TMC7: variants seen among roughly 807,000 people sequenced by gnomAD.
TMC7 encodes transmembrane channel like 7, also known as transmembrane channel-like protein 7.
Under a neutral mutation model 82.9 loss-of-function variants are expected in TMC7, and 54 were observed. The observed-to-expected ratio is 0.65, with a 90% CI of 0.52 to 0.82. TMC7 has a LOEUF of 0.82. Among genes scored for constraint, TMC7 ranks in the 40% least tolerant of loss-of-function variants. The pLI is 0.00. For synonymous variants in TMC7, 350 were observed against 337.9 expected (o/e 1.04, Z -0.39); for missense variants, 820 against 901.2 (o/e 0.91, Z 1.15).
At chr16:19,045,122 G>A in intron 10 of TMC7, 121 bp downstream of exon 10, 1 of 923,064 alleles carries the variant, frequency 1.1e-6, no homozygotes. Context: ...TCTTGTTCTA[G>A]TGATGAGACA....
rs1959921088 is a variant in TMC7 at position 19,020,643 on chromosome 16, G to A, written c.461-986G>A. Among the ~76,000 whole-genome samples the A allele has an allele frequency of 2.0e-5, 3 of 152,016 alleles. No individual in the cohort carries two copies. In the South Asian group the frequency reaches 6.2e-4, roughly 32 times the overall value. On this transcript the variant is annotated intron_variant, in intron 3 of 15. Transcript: ENST00000304381. Reference sequence around the variant, plus strand: ...AGCACTTTGGGAGGCTGAGGCAGGTGGATCACCTGAGGTCAGGAGTTCGAG... The same window carrying A: ...AGCACTTTGGGAGGCTGAGGCAGGTAGATCACCTGAGGTCAGGAGTTCGAG...
chr16:19,018,483 C>T (rs746544822), intron 3 of TMC7, among the ~76,000 whole-genome samples: 6 of 152,122 alleles, frequency 3.9e-5, no homozygotes, highest in Non-Finnish European at 8.8e-5. Flanking sequence ...CTAATCCCAT[C>T]ATGGGACACC....
intron 4 of TMC7, among the ~76,000 whole-genome samples, chr16:19,022,713 T>C (rs368206894): frequency 3.9e-5 from 6 of 152,328 alleles, no homozygotes; most frequent in African/African-American, 1.4e-4. Context: ...TGTACATGCT[T>C]ATACACACAA....
intron 6 of TMC7, among the ~76,000 whole-genome samples, chr16:19,034,731 G>T (rs1960668777): frequency 6.6e-6 from 1 of 152,126 alleles, no homozygotes; most frequent in African/African-American, 2.4e-5. Flanking sequence ...GGATGGGAAG[G>T]AGATCAGCCA....
At chr16:18,997,155 G>A (rs1234113413) in intron 1 of TMC7, among the ~76,000 whole-genome samples, 3 of 152,264 alleles carry the variant, frequency 2.0e-5, no homozygotes, top group Middle Eastern at 3.4e-3. Context: ...ACAGGGGACC[G>A]GTCTCCCGAA....
intron 1 of TMC7, among the ~76,000 whole-genome samples, chr16:19,006,572 C>T (rs991559708): frequency 2.6e-5 from 4 of 152,200 alleles, no homozygotes; most frequent in African/African-American, 9.6e-5. Context: ...ACCCCAGCCA[C>T]CCCTCTGACT....
chr16:19,059,609 A>G (rs755456007), intron 15 of TMC7, 115 bp downstream of exon 15: 16 of 1,587,092 alleles, frequency 1.0e-5, no homozygotes, highest in Non-Finnish European at 8.5e-7. Context: ...TCTCACCACC[A>G]CCTCCCCAAA....
At position 18,990,922 on chromosome 16, in the gene TMC7, G is replaced by A. The variant is rs1276435484; in HGVS notation, c.67+6792G>A. On this transcript the variant is annotated intron_variant, in intron 1 of 15. Transcript: ENST00000304381. ...GATCTTCAGTTGCTTCAGGCCATCT[G>A]GATGTATACGTGCAGGTCACTGGGA... is the stretch of plus-strand genomic sequence containing the variant. Among the ~76,000 whole-genome samples, 4 of 152,158 alleles carry A rather than the reference G, an allele frequency of 2.6e-5. No homozygotes were observed. In the East Asian group the frequency reaches 7.7e-4, roughly 29 times the overall value.
In TMC7 at chr16:19,034,042, TG is replaced by T. The variant is rs1293817969; in HGVS notation, c.858-1633del. Among the ~76,000 whole-genome samples, 4 of 152,212 alleles carry T rather than the reference TG, an allele frequency of 2.6e-5. No homozygotes were observed. In the East Asian group the frequency reaches 7.7e-4, roughly 29 times the overall value. On this transcript the variant is annotated intron_variant, in intron 6 of 15. Coordinates refer to ENST00000304381, the MANE Select transcript of TMC7 (RefSeq NM_024847.4). ...CCAAGTGCCAGGTGTATTTTTTCCA[TG>T]AAAGCATTTGAATGAATAAAAATAT...
intron 1 of TMC7, among the ~76,000 whole-genome samples, chr16:18,991,841 T>C (rs2038957106): frequency 2.0e-5 from 3 of 152,102 alleles, no homozygotes; most frequent in African/African-American, 7.2e-5. Context: ...CGGTGTTTGG[T>C]TTTTTGTCCT....
At position 19,044,871 on chromosome 16, in the gene TMC7, T is replaced by A; in HGVS notation, c.1338-13T>A. On this transcript the variant is annotated splice_polypyrimidine_tract_variant and intron_variant, in intron 9 of 15. Transcript: ENST00000304381. ...GCCTCATCTTCCCATCCTCTCTCCT[T>A]CTCTCCCCGAAGGTGTGTCTTTATG... 6.2e-7 allele frequency: 1 copy of A among 1,607,952 alleles called. No homozygotes were observed. The highest frequency in any genetic ancestry group is 8.5e-7 in the Non-Finnish European group (1 of 1,175,540).
At position 19,044,879 on chromosome 16, in the gene TMC7, C is replaced by T. The variant is rs770031177; in HGVS notation, c.1338-5C>T. Reference sequence around the variant, plus strand: ...TTCCCATCCTCTCTCCTTCTCTCCCCGAAGGTGTGTCTTTATGCGGCTGGC... The same window carrying T: ...TTCCCATCCTCTCTCCTTCTCTCCCTGAAGGTGTGTCTTTATGCGGCTGGC... On this transcript the variant is annotated splice_polypyrimidine_tract_variant and splice_region_variant and intron_variant, in intron 9 of 15. Transcript: ENST00000304381. The T allele has an allele frequency of 1.1e-5, 17 of 1,612,000 alleles. No individual in the cohort carries two copies. Among genetic ancestry groups the T allele is most frequent in the South Asian group, 4.4e-5 (4 of 91,028 alleles).
intron 1 of TMC7, among the ~76,000 whole-genome samples, chr16:18,997,640 G>T (rs7403947): frequency 6.6e-6 from 1 of 151,860 alleles, no homozygotes; most frequent in Non-Finnish European, 1.5e-5. Context: ...AAAGTGCTGG[G>T]ATTGAGCCAC....
chr16:19,035,295 G>A (rs1245103384), intron 6 of TMC7, among the ~76,000 whole-genome samples: 1 of 152,084 alleles, frequency 6.6e-6, no homozygotes, highest in Non-Finnish European at 1.5e-5. Context: ...GAGAGAGGGA[G>A]GCAAGGATTG....
At chr16:19,058,537 C>T (rs2142322439) in intron 14 of TMC7, among the ~76,000 whole-genome samples, 1 of 152,308 alleles carries the variant, frequency 6.6e-6, no homozygotes, top group Admixed American at 6.5e-5. Flanking sequence ...AGCTGACTTT[C>T]TCAACCATGT....
chr16:19,051,045 C>T (rs80015589), intron 12 of TMC7, among the ~76,000 whole-genome samples: 2 of 152,100 alleles, frequency 1.3e-5, no homozygotes, highest in Non-Finnish European at 2.9e-5. Context: ...AGATGTCTCA[C>T]GCAGCCACGA....
At chr16:19,061,444 C>A (rs897894140) in intron 15 of TMC7, among the ~76,000 whole-genome samples, 3 of 149,838 alleles carry the variant, frequency 2.0e-5, no homozygotes, top group Non-Finnish European at 4.4e-5. Context: ...CCACCTCACC[C>A]GGCCTAATTT....
chr16:19,040,541 A>G, intron 9 of TMC7, 95 bp downstream of exon 9: 2 of 1,189,732 alleles, frequency 1.7e-6, no homozygotes, highest in Non-Finnish European at 2.4e-6. Context: ...ATTGTAGTGC[A>G]TTTTCCTGCT....
intron 1 of TMC7, among the ~76,000 whole-genome samples, chr16:18,995,476 G>A (rs532742108): frequency 2.0e-5 from 3 of 152,282 alleles, no homozygotes; most frequent in East Asian, 3.9e-4. Context: ...AGTGGCTGCC[G>A]GGCGAGTTGG....
Sources: allele counts gnomAD v4.1 joint callset (sites outside exome capture counted in the v4.1 genomes callset), GRCh38; gene constraint gnomAD v4.1.1; transcripts MANE v1.5; gene names NCBI Gene and HGNC (gene_info 2026-07-23, HGNC 2026-07-21).